Variants in PRDM6 observed in about 807,000 individuals in gnomAD.
PRDM6 encodes the protein PR/SET domain 6.
PRDM6 carries 25 observed loss-of-function variants against 60.8 expected under a neutral mutation model. The observed-to-expected ratio is 0.41, with a 90% CI of 0.30 to 0.57. The LOEUF (loss-of-function observed/expected upper bound fraction) is 0.57, where lower values mean the gene tolerates loss of function less well. Ranked by LOEUF, PRDM6 falls within the 20% of genes least tolerant of loss-of-function variation. The pLI is 0.27. For synonymous variants in PRDM6, 407 were observed against 357.4 expected, an observed-to-expected ratio of 1.14 and a Z score of -1.57; for missense variants, 839 against 821.3, an observed-to-expected ratio of 1.02 and a Z score of -0.26.
chr5:123,185,994 T>A (rs1278029910), intron 7 of PRDM6, among the ~76,000 whole-genome samples: 1 of 152,210 alleles, frequency 6.6e-6, no homozygotes, highest in Non-Finnish European at 1.5e-5. Context: ...TGTCTGTAGC[T>A]CTTCTTGAAT....
chr5:123,090,707 G>A, intron 2 of PRDM6, 101 bp downstream of exon 2: 3 of 617,900 alleles, frequency 4.9e-6, no homozygotes, highest in Non-Finnish European at 7.7e-6. Flanking sequence ...GAGTGACACG[G>A]GGCCGGGTGG....
chr5:123,185,757 C>T (rs1766273908), intron 7 of PRDM6, among the ~76,000 whole-genome samples: 1 of 152,128 alleles, frequency 6.6e-6, no homozygotes, highest in South Asian at 2.1e-4. Context: ...GCAAGAATTC[C>T]CAGAGTGGAT....
intron 3 of PRDM6, among the ~76,000 whole-genome samples, chr5:123,131,538 C>A (rs919328637): frequency 8.5e-5 from 13 of 152,182 alleles, no homozygotes; most frequent in Admixed American, 8.5e-4. Flanking sequence ...TTGTTCTGTG[C>A]ACTTTGCACA....
intron 3 of PRDM6, among the ~76,000 whole-genome samples, chr5:123,130,081 T>C (rs1764787091): frequency 1.9e-5 from 2 of 102,784 alleles, no homozygotes; most frequent in Non-Finnish European, 4.1e-5. Context: ...CTTCCTTTCC[T>C]TTCTATTCCC....
At chr5:123,123,625 T>A (rs1393674039) in intron 3 of PRDM6, among the ~76,000 whole-genome samples, 1 of 152,254 alleles carries the variant, frequency 6.6e-6, no homozygotes, top group Non-Finnish European at 1.5e-5. Flanking sequence ...GGTTGTTTTA[T>A]TTTCATTTCT....
rs1024331130 is a variant in PRDM6, at chr5:123,090,326, G to A, written c.312G>A (p.Ala104=). 5 of 1,475,606 alleles carry A rather than the reference G, an allele frequency of 3.4e-6. No homozygotes were observed. Among genetic ancestry groups the A allele is most frequent in the East Asian group, 2.9e-5 (1 of 33,908 alleles). 91.4% of individuals were successfully genotyped at this position (1,475,606 alleles called of 1,614,324 possible). A position where few individuals can be genotyped will look rare whatever the true frequency, so the allele number is the denominator to read the frequency against. The change falls in exon 2 of 8, where the codon GCG becomes GCA. Residue 104 remains alanine, a synonymous_variant. Coordinates refer to ENST00000407847, the MANE Select transcript of PRDM6 (RefSeq NM_001136239.4). ...SSCAAAAAAA[A]LAGLSALPVS... is the part of the protein sequence containing the mutation. ...GCGCTGCTGCGGCCGCTGCCGCCGC[G>A]CTGGCTGGTCTCTCGGCCCTGCCGG...
intron 5 of PRDM6, among the ~76,000 whole-genome samples, chr5:123,166,706 A>G (rs1272830331): frequency 1.5e-4 from 23 of 152,240 alleles, no homozygotes; most frequent in Admixed American, 1.5e-3. Flanking sequence ...ATGCTCAGCA[A>G]CTATTTGTGG....
chr5:123,153,688 G>A (rs903330750), intron 3 of PRDM6, among the ~76,000 whole-genome samples: 2 of 152,202 alleles, frequency 1.3e-5, no homozygotes, highest in South Asian at 2.1e-4. Flanking sequence ...TTGTAGTCAC[G>A]ATATACTTAG....
At chr5:123,166,044 C>T (rs560616263) in intron 5 of PRDM6, among the ~76,000 whole-genome samples, 4 of 152,260 alleles carry the variant, frequency 2.6e-5, no homozygotes, top group African/African-American at 7.2e-5. Context: ...AGAATGTGAC[C>T]GCCCCCACCA....
chr5:123,173,146 GCACCACTGCACTC>G (rs1177582817), intron 6 of PRDM6, among the ~76,000 whole-genome samples: 2 of 149,410 alleles, frequency 1.3e-5, no homozygotes, highest in African/African-American at 4.9e-5. Flanking sequence ...AGCCGAGATC[GCACCACTGCACTC>G]CAGCCTGGGC....
At chr5:123,089,876 G>A in intron 1 of PRDM6, 124 bp from the exon 2 acceptor site, 1 of 684,682 alleles carries the variant, frequency 1.5e-6, no homozygotes, top group Non-Finnish European at 2.4e-6. Context: ...AGAGGGAGCC[G>A]CGGAACCGGG....
Position 123,144,734 on chromosome 5 carries a change from G to A in PRDM6, c.901-11150G>A, listed in dbSNP as rs576198385. 1.4e-4 allele frequency among the ~76,000 whole-genome samples: 22 copies of A among 152,242 alleles called. No individual in the cohort carries two copies. The South Asian group carries it at 4.6e-3, about 32-fold the overall frequency. On this transcript the variant is annotated intron_variant, in intron 3 of 7. Coordinates refer to ENST00000407847, the MANE Select transcript of PRDM6 (RefSeq NM_001136239.4). ...ACTTTTGGACATTTTTAAAGGAAAT[G>A]TTCATTTTAACCATTTAGGCAAGGC...
intron 5 of PRDM6, among the ~76,000 whole-genome samples, chr5:123,170,180 C>T (rs190626286): frequency 1.5e-3 from 233 of 152,226 alleles, no homozygotes; most frequent in African/African-American, 5.3e-3. Context: ...TCAGTCAGCC[C>T]GTCTCCCTTA....
At chr5:123,126,314 A>G (rs143023269) in intron 3 of PRDM6, among the ~76,000 whole-genome samples, 4 of 152,186 alleles carry the variant, frequency 2.6e-5, no homozygotes, top group African/African-American at 9.6e-5. Flanking sequence ...GGCAATCACT[A>G]TATCTCTTTT....
intron 4 of PRDM6, among the ~76,000 whole-genome samples, chr5:123,156,613 T>A (rs1221993828): frequency 1.3e-5 from 2 of 152,146 alleles, no homozygotes; most frequent in Non-Finnish European, 2.9e-5. Context: ...TTTCCGGGCA[T>A]AGAGAAGCCC....
chr5:123,090,547 A>G lies in PRDM6; in HGVS notation c.533A>G (p.Tyr178Cys). The G allele has an allele frequency of 2.0e-6, 3 of 1,523,192 alleles. No individual in the cohort carries two copies. The highest frequency in any genetic ancestry group is 2.6e-6 in the Non-Finnish European group (3 of 1,142,818). The allele number at this position is 1,523,192 out of a possible 1,614,324, so 94.4% of individuals were successfully genotyped here. ...GCAGAGGAGCTGGACTATTACCTGT[A>G]TGGCCAGCAGCGCATGGAGATCATC... ...CSAEELDYYL[Y>C]GQQRMEIIPL... The change falls in exon 2 of 8, where the codon TAT becomes TGT. Residue 178 changes from tyrosine (Y) to cysteine (C), a missense_variant. Around this residue, in one of 2 missense-constraint regions of PRDM6, gnomAD observed 730 missense variants for 648.8 expected, o/e 1.13. Transcript: ENST00000407847.
At chr5:123,091,298 G>T (rs143099271) in intron 2 of PRDM6, among the ~76,000 whole-genome samples, 13 of 152,294 alleles carry the variant, frequency 8.5e-5, no homozygotes, top group Non-Finnish European at 1.8e-4. Flanking sequence ...GTTCTCCTCC[G>T]ATTCCGCTGA....
intron 3 of PRDM6, among the ~76,000 whole-genome samples, chr5:123,120,303 G>C (rs1158203104): frequency 1.3e-5 from 2 of 152,194 alleles, no homozygotes; most frequent in Non-Finnish European, 2.9e-5. Flanking sequence ...TTTTGATGCA[G>C]TTACCTGGTG....
intron 2 of PRDM6, among the ~76,000 whole-genome samples, chr5:123,094,023 C>G (rs1178217622): frequency 6.6e-6 from 1 of 151,998 alleles, no homozygotes; most frequent in Non-Finnish European, 1.5e-5. Context: ...AGGGAACAGG[C>G]TGGAAACAGC....
Sources: allele counts gnomAD v4.1 joint callset (sites outside exome capture counted in the v4.1 genomes callset), GRCh38; gene constraint gnomAD v4.1.1; regional missense constraint gnomAD v4.1.1; transcripts MANE v1.5; gene names NCBI Gene and HGNC (gene_info 2026-07-23, HGNC 2026-07-21).